PGBD5: variants seen among roughly 807,000 people sequenced by gnomAD.
PGBD5 encodes the protein piggyBac transposable element derived 5.
A neutral mutation model predicts 47.9 loss-of-function variants in PGBD5; 14 were observed. The ratio of observed to expected loss-of-function variants is 0.29; its 90% CI spans 0.19 to 0.46. The LOEUF (loss-of-function observed/expected upper bound fraction) is 0.46. Ranked by LOEUF, PGBD5 falls within the 20% of genes least tolerant of loss-of-function variation. The pLI, the probability that PGBD5 is intolerant of heterozygous loss-of-function variation, is 1.00. For synonymous variants in PGBD5, 316 were observed against 306.3 expected (o/e 1.03, Z -0.33); for missense variants, 635 against 716.0 (o/e 0.89, Z 1.29).
chr1:230,333,539 T>A (rs1317059756), intron 4 of PGBD5, among the ~76,000 whole-genome samples: 1 of 152,148 alleles, frequency 6.6e-6, no homozygotes, highest in African/African-American at 2.4e-5. Context: ...CTGTCCAGCA[T>A]CCAAACCTGG....
At chr1:230,335,759 A>G (rs373166012) in intron 4 of PGBD5, among the ~76,000 whole-genome samples, 23 of 142,882 alleles carry the variant, frequency 1.6e-4, no homozygotes, top group African/African-American at 3.0e-4. Flanking sequence ...ACACACAGAT[A>G]CACAGATACA....
intron 1 of PGBD5, among the ~76,000 whole-genome samples, chr1:230,364,509 C>A (rs1558200562): frequency 6.6e-6 from 1 of 152,252 alleles, no homozygotes; most frequent in Non-Finnish European, 1.5e-5. Context: ...ATGTATCAAG[C>A]AGCAGGGCTT....
At chr1:230,385,889 G>A (rs922165586) in intron 1 of PGBD5, among the ~76,000 whole-genome samples, 1 of 152,118 alleles carries the variant, frequency 6.6e-6, no homozygotes, top group South Asian at 2.1e-4. Flanking sequence ...GAGCTTGCTG[G>A]ACCTGCAGAT....
At chr1:230,412,193 A>ACGAAATT (rs1657423576) in intron 1 of PGBD5, among the ~76,000 whole-genome samples, 1 of 152,222 alleles carries the variant, frequency 6.6e-6, no homozygotes, top group East Asian at 1.9e-4. Context: ...ATGCTTATCA[A>ACGAAATT]CGAAATTACA....
chr1:230,355,359 T>C (rs530924187), intron 2 of PGBD5, among the ~76,000 whole-genome samples: 1 of 152,312 alleles, frequency 6.6e-6, no homozygotes, highest in South Asian at 2.1e-4. Flanking sequence ...ACCCTGGACT[T>C]ACACTGCAGA....
chr1:230,385,991 T>C (rs75706458), intron 1 of PGBD5, among the ~76,000 whole-genome samples: 4,944 of 152,306 alleles, frequency 0.032, 108 homozygotes, highest in South Asian at 0.08. Flanking sequence ...TAAGGAGTAT[T>C]GTACTACCTC....
chr1:230,406,792 A>G (rs1657307634), intron 1 of PGBD5, among the ~76,000 whole-genome samples: 1 of 152,228 alleles, frequency 6.6e-6, no homozygotes, highest in African/African-American at 2.4e-5. Flanking sequence ...ACTCAACTAT[A>G]CCACGTTAAA....
At chr1:230,386,339 T>C (rs1656637751) in intron 1 of PGBD5, among the ~76,000 whole-genome samples, 1 of 151,798 alleles carries the variant, frequency 6.6e-6, no homozygotes, top group South Asian at 2.1e-4. Context: ...AAAAGCAGTA[T>C]AATTTAGACA....
In PGBD5 at chr1:230,355,775, A is replaced by G. The variant is rs548915237; in HGVS notation, c.759+1119T>C. 6.2e-4 allele frequency among the ~76,000 whole-genome samples: 94 copies of G among 152,308 alleles called. 2 individuals are homozygous for G. The Middle Eastern group carries it at 0.014, about 22-fold the overall frequency. On this transcript the variant is annotated intron_variant, in intron 2 of 6. Coordinates refer to ENST00000391860, the MANE Select transcript of PGBD5 (RefSeq NM_001258311.2). The stretch of plus-strand genomic sequence containing the variant: ...GATGCATTTGCAAGGCAGAGAGAAG[A>G]AGGCGGCGTTCCAAGGGCCAGAAGG...
intron 2 of PGBD5, among the ~76,000 whole-genome samples, chr1:230,354,178 C>T (rs1270877557): frequency 1.3e-5 from 2 of 151,680 alleles, no homozygotes; most frequent in African/African-American, 4.8e-5. Context: ...GTTATGACTT[C>T]ATCTCCTTTG....
rs532739139 is a variant in PGBD5, at chr1:230,398,839, G to A, written c.331+26759C>T. On this transcript the variant is annotated intron_variant, in intron 1 of 6. Coordinates refer to ENST00000391860, the MANE Select transcript of PGBD5 (RefSeq NM_001258311.2). ...CCTTAAGGGCCTGCACTGTCACATC[G>A]GTAAGATTCAAAACATAGCCATGGG... Among the ~76,000 whole-genome samples, 12 of 152,200 alleles carry A rather than the reference G, an allele frequency of 7.9e-5. No individual in the cohort carries two copies. The East Asian group carries it at 9.7e-4, about 12-fold the overall frequency.
intron 5 of PGBD5, among the ~76,000 whole-genome samples, chr1:230,331,694 TA>T (rs1667219753): frequency 6.6e-6 from 1 of 151,834 alleles, no homozygotes; most frequent in Admixed American, 6.6e-5. Context: ...GGGATCTTTC[TA>T]TGTTGCCCAG....
rs760388155 is a variant in PGBD5, at chr1:230,333,027, C to T, written c.1090G>A (p.Gly364Ser). 2 of 1,599,818 alleles carry T rather than the reference C, an allele frequency of 1.3e-6. No homozygotes were observed. The highest frequency in any genetic ancestry group is 1.3e-5 in the African/African-American group (1 of 74,954). Reference sequence around the variant, plus strand: ...TCACTCTTCCGCGCGCGGAGCAAGCCGCAGCAGTAAATCCCTGAGGGGAGA... The same window carrying T: ...TCACTCTTCCGCGCGCGGAGCAAGCTGCAGCAGTAAATCCCTGAGGGGAGA... ...EFEKQGIYCC[G>S]LLRARKSDCT... is the part of the protein sequence containing the mutation. The change falls in exon 5 of 7, where the codon GGC (glycine) becomes AGC (serine). Residue 364 changes from glycine to serine, a missense_variant. Physicochemically the swap from Gly to Ser is moderately conservative, Grantham distance 56 (BLOSUM62 0). Transcript: ENST00000391860.
At position 230,362,281 on chromosome 1, in the gene PGBD5, T is replaced by G. The variant is rs201240955; in HGVS notation, c.332-4960A>C. On this transcript the variant is annotated intron_variant, in intron 1 of 6. Transcript: ENST00000391860. ...TCTACCAGCTCCTTCACCTCCATGCTCTGCACTGAGTTTCCCCACGGGTGT... is the reference window on the plus strand; with the variant it reads ...TCTACCAGCTCCTTCACCTCCATGCGCTGCACTGAGTTTCCCCACGGGTGT... 6.7e-4 allele frequency: 922 copies of G among 1,367,332 alleles called. 10 individuals carry two copies. In the South Asian group the frequency reaches 9.2e-3, roughly 14 times the overall value. 84.7% of individuals were successfully genotyped at this position (1,367,332 alleles called of 1,614,324 possible).
chr1:230,359,372 G>A lies in PGBD5; in HGVS notation c.332-2051C>T, dbSNP rs112826563. ...AGCCACCGCGCCCGGCCTGTGTATC[G>A]ATTGCTAACAAAAGTTGTTCTCATT... On this transcript the variant is annotated intron_variant, in intron 1 of 6. Coordinates refer to ENST00000391860, the MANE Select transcript of PGBD5 (RefSeq NM_001258311.2). Among the ~76,000 whole-genome samples the A allele has an allele frequency of 3.2e-3, 488 of 152,166 alleles. 1 individual carries two copies. Among genetic ancestry groups the A allele is most frequent in the African/African-American group, 0.011 (465 of 41,522 alleles).
intron 1 of PGBD5, among the ~76,000 whole-genome samples, chr1:230,387,111 TTC>T (rs1348296762): frequency 6.6e-6 from 1 of 152,170 alleles, no homozygotes; most frequent in Non-Finnish European, 1.5e-5. Context: ...CTGGAAGCAC[TTC>T]TCTTTAATAA....
At position 230,332,820 on chromosome 1, in the gene PGBD5, T is replaced by C. The variant is rs775765152; in HGVS notation, c.1273+24A>G. ...CAACCAATCCCCGCGCGCCCCACTG[T>C]GTCAATGGCGGACCCGCACTCACCC... On this transcript the variant is annotated intron_variant, in intron 5 of 6. Coordinates refer to ENST00000391860, the MANE Select transcript of PGBD5 (RefSeq NM_001258311.2). 1.3e-5 allele frequency: 21 copies of C among 1,613,938 alleles called. No homozygotes were observed. The South Asian group carries it at 1.5e-4, about 12-fold the overall frequency.
At chr1:230,331,553 C>T (rs1329314777) in intron 5 of PGBD5, among the ~76,000 whole-genome samples, 1 of 152,168 alleles carries the variant, frequency 6.6e-6, no homozygotes, top group East Asian at 1.9e-4. Context: ...CAAACTCTAG[C>T]CTTCAGCTTG....
intron 1 of PGBD5, among the ~76,000 whole-genome samples, chr1:230,389,430 C>G (rs2102731512): frequency 6.6e-6 from 1 of 152,344 alleles, no homozygotes; most frequent in East Asian, 1.9e-4. Context: ...GCCTCAGCCT[C>G]CCAAAGTGCT....
Sources: allele counts gnomAD v4.1 joint callset (sites outside exome capture counted in the v4.1 genomes callset), GRCh38; gene constraint gnomAD v4.1.1; transcripts MANE v1.5; gene names NCBI Gene and HGNC (gene_info 2026-07-23, HGNC 2026-07-21).